The following CISD1 variants were observed in gnomAD, a reference collection of about 807,000 sequenced individuals.
CISD1 encodes the protein CDGSH iron-sulfur domain-containing protein 1.
CISD1 carries 8 observed loss-of-function variants against 12.0 expected under a neutral mutation model. That is an observed-to-expected ratio of 0.67 (90% confidence interval 0.39 to 1.20). The LOEUF (loss-of-function observed/expected upper bound fraction) is 1.20. Among genes scored for constraint, CISD1 ranks in the 50% most tolerant of loss-of-function variants. CISD1 has a pLI of 0.01. For synonymous variants in CISD1, 38 were observed against 42.2 expected (o/e 0.90, Z 0.39); for missense variants, 107 against 132.7 (o/e 0.81, Z 0.95).
At chr10:58,272,124 T>G (rs1162069676) in intron 1 of CISD1, among the ~76,000 whole-genome samples, 1 of 152,172 alleles carries the variant, frequency 6.6e-6, no homozygotes, top group Non-Finnish European at 1.5e-5. Context: ...CGTTTTCTTT[T>G]GCTTAAATCT....
intron 2 of CISD1, among the ~76,000 whole-genome samples, chr10:58,285,139 G>A (rs922099607): frequency 2.6e-5 from 4 of 151,882 alleles, no homozygotes; most frequent in Admixed American, 2.0e-4. Flanking sequence ...ACATCTTATT[G>A]ACCTCAAAAA....
At position 58,288,351 on chromosome 10, in the gene CISD1, G is replaced by A. The variant is rs770479252; in HGVS notation, c.*701G>A. The A allele has an allele frequency of 6.6e-6, 1 of 152,272 alleles. No individual in the cohort carries two copies. Among genetic ancestry groups the A allele is most frequent in the Non-Finnish European group, 1.5e-5 (1 of 68,004 alleles). 9.4% of individuals were successfully genotyped at this position (152,272 alleles called of 1,614,324 possible). On this transcript the variant is annotated 3_prime_UTR_variant, in exon 3 of 3. Transcript: ENST00000333926. ...TAAAGGTGATATTAGATTTAAATTA[G>A]TCATGAAGAATGTCTTAAAATCTAA...
intron 2 of CISD1, among the ~76,000 whole-genome samples, chr10:58,285,541 A>C (rs557124051): frequency 6.6e-6 from 1 of 152,118 alleles, no homozygotes; most frequent in Non-Finnish European, 1.5e-5. Context: ...GATACATTCA[A>C]AACACCAAGA....
chr10:58,276,753 T>A (rs1372554844), intron 1 of CISD1, among the ~76,000 whole-genome samples: 1 of 151,688 alleles, frequency 6.6e-6, no homozygotes, highest in Non-Finnish European at 1.5e-5. Context: ...GGGGCTTTTT[T>A]TTTTTTTAAG....
intron 1 of CISD1, 139 bp downstream of exon 1, chr10:58,269,443 CCCGGCT>C: frequency 2.6e-6 from 2 of 766,274 alleles, no homozygotes; most frequent in Non-Finnish European, 4.2e-6. Context: ...AAGCGCTCGG[CCCGGCT>C]GCGGGCTCCG....
chr10:58,280,691 G>C (rs553879275), intron 2 of CISD1, among the ~76,000 whole-genome samples: 33 of 152,246 alleles, frequency 2.2e-4, no homozygotes, highest in Admixed American at 1.9e-3. Flanking sequence ...GAAATCTTGG[G>C]GAATTTTCTG....
At chr10:58,282,454 A>C (rs1032606099) in intron 2 of CISD1, among the ~76,000 whole-genome samples, 5 of 152,214 alleles carry the variant, frequency 3.3e-5, no homozygotes, top group East Asian at 1.9e-4. Context: ...ATAATACCTA[A>C]TACAGTGTGA....
At position 58,287,969 on chromosome 10, in the gene CISD1, T is replaced by G. The variant is rs1242911748; in HGVS notation, c.*319T>G. 1.0e-5 allele frequency: 2 copies of G among 197,324 alleles called. No individual in the cohort carries two copies. The highest frequency in any genetic ancestry group is 2.3e-5 in the African/African-American group (1 of 43,298). The allele number at this position is 197,324 out of a possible 1,614,324, so 12.2% of individuals were successfully genotyped here. A position where few individuals can be genotyped will look rare whatever the true frequency, so the allele number is the denominator to read the frequency against. On this transcript the variant is annotated 3_prime_UTR_variant, in exon 3 of 3. Coordinates refer to ENST00000333926, the MANE Select transcript of CISD1 (RefSeq NM_018464.5). Reference sequence around the variant, plus strand: ...ATATAGTTGTATCTTGAAGTCAACATATTAAATTATTCTCAAAATTATGTA... The same window carrying G: ...ATATAGTTGTATCTTGAAGTCAACAGATTAAATTATTCTCAAAATTATGTA...
chr10:58,283,382 G>A (rs1343222558), intron 2 of CISD1, among the ~76,000 whole-genome samples: 1 of 152,082 alleles, frequency 6.6e-6, no homozygotes, highest in East Asian at 1.9e-4. Flanking sequence ...GGTATAAAAT[G>A]TCATAATCTC....
chr10:58,287,503 C>A, intron 2 of CISD1, 58 bp from the exon 3 acceptor site: 1 of 1,257,624 alleles, frequency 8.0e-7, no homozygotes, highest in Non-Finnish European at 1.1e-6. Flanking sequence ...TTCCACTCTG[C>A]CGAGCATAAT....
At chr10:58,278,649 C>G (rs1162321237) in intron 2 of CISD1, among the ~76,000 whole-genome samples, 2 of 152,136 alleles carry the variant, frequency 1.3e-5, no homozygotes, top group African/African-American at 4.8e-5. Flanking sequence ...GATCTCTCCC[C>G]ATAGTAGAGG....
At chr10:58,274,990 C>T (rs1171096350) in intron 1 of CISD1, among the ~76,000 whole-genome samples, 2 of 152,088 alleles carry the variant, frequency 1.3e-5, no homozygotes, top group African/African-American at 2.4e-5. Flanking sequence ...CCAATACTAA[C>T]CAATTGTAGT....
chr10:58,287,832 CAAA>C lies in CISD1; in HGVS notation c.*197_*199del, dbSNP rs60626434. The C allele has an allele frequency of 0.026, 6,563 of 253,252 alleles. No individual in the cohort carries two copies. The highest frequency in any genetic ancestry group is 0.038 in the East Asian group (654 of 17,146). 15.7% of individuals were successfully genotyped at this position (253,252 alleles called of 1,614,324 possible). A position where few individuals can be genotyped will look rare whatever the true frequency, so the allele number is the denominator to read the frequency against. ...ACATCGTGGTGCACATTTGTTTAAA[CAAA>C]AAAAAAAAAAAAAAGGAAAAACCAA... On this transcript the variant is annotated 3_prime_UTR_variant, in exon 3 of 3. Transcript: ENST00000333926.
At chr10:58,278,681 T>C (rs1839342105) in intron 2 of CISD1, among the ~76,000 whole-genome samples, 1 of 152,220 alleles carries the variant, frequency 6.6e-6, no homozygotes, top group Non-Finnish European at 1.5e-5. Context: ...AAATAACTTG[T>C]CACAAATATG....
In CISD1 at chr10:58,277,191, G is replaced by A. The variant is rs774331969; in HGVS notation, c.106G>A (p.Val36Ile). ...IGYLAYKRFY[V>I]KDHRNKAMIN... ...TTATCTAGCTTACAAAAGATTTTAT[G>A]TTAAAGATCATCGAAATAAAGCTAT... The change falls in exon 2 of 3, where the codon GTT (valine) becomes ATT (isoleucine). Residue 36 changes from valine (V) to isoleucine (I), a missense_variant. Val to Ile is a conservative substitution (Grantham distance 29). Transcript: ENST00000333926. 4 of 1,612,694 alleles carry A rather than the reference G, an allele frequency of 2.5e-6. No individual in the cohort carries two copies. Among genetic ancestry groups the A allele is most frequent in the South Asian group, 2.2e-5 (2 of 90,840 alleles).
intron 2 of CISD1, 64 bp from the exon 3 acceptor site, chr10:58,287,497 A>T: frequency 8.5e-7 from 1 of 1,176,512 alleles, no homozygotes; most frequent in Non-Finnish European, 1.2e-6. Context: ...ATCACCTTCC[A>T]CTCTGCCGAG....
intron 2 of CISD1, among the ~76,000 whole-genome samples, chr10:58,280,966 C>T (rs562376387): frequency 4.0e-4 from 61 of 152,226 alleles, no homozygotes; most frequent in African/African-American, 1.3e-3. Context: ...AATAAAGAAA[C>T]GACAGAAGTC....
rs1400574232 is a variant in CISD1 at position 58,289,355 on chromosome 10, G to A, written c.*1705G>A. 1 of 152,012 alleles carries A rather than the reference G, an allele frequency of 6.6e-6. No homozygotes were observed. The highest frequency in any genetic ancestry group is 6.6e-5 in the Admixed American group (1 of 15,260). 9.4% of individuals were successfully genotyped at this position (152,012 alleles called of 1,614,324 possible). A position where few individuals can be genotyped will look rare whatever the true frequency, so the allele number is the denominator to read the frequency against. ...TTAGTCATGCATTTTTGTAATGTCA[G>A]GGGGAACCTGGTACCAGTTCTCAAA... is the stretch of plus-strand genomic sequence containing the variant. On this transcript the variant is annotated 3_prime_UTR_variant, in exon 3 of 3. Coordinates refer to ENST00000333926, the MANE Select transcript of CISD1 (RefSeq NM_018464.5).
At chr10:58,269,436 C>A in intron 1 of CISD1, 132 bp downstream of exon 1, 2 of 798,634 alleles carry the variant, frequency 2.5e-6, no homozygotes, top group Non-Finnish European at 3.9e-6. Flanking sequence ...GAAGGGCAAG[C>A]GCTCGGCCCG....
Sources: allele counts gnomAD v4.1 joint callset (sites outside exome capture counted in the v4.1 genomes callset), GRCh38; gene constraint gnomAD v4.1.1; transcripts MANE v1.5; gene names NCBI Gene and HGNC (gene_info 2026-07-23, HGNC 2026-07-21).